The following DENND1A variants were observed in gnomAD, a reference collection of about 807,000 sequenced individuals.
The protein encoded by DENND1A is DENN domain-containing protein 1A.
Under a neutral mutation model 113.7 loss-of-function variants are expected in DENND1A, and 51 were observed. The observed-to-expected ratio is 0.45, with a 90% CI of 0.36 to 0.57. The LOEUF (loss-of-function observed/expected upper bound fraction) is 0.57, where lower values mean the gene tolerates loss of function less well. Among genes scored for constraint, DENND1A ranks in the 20% least tolerant of loss-of-function variants. The probability of loss-of-function intolerance (pLI) is 0.00; values close to 1 mark genes in which losing one functional copy is unlikely to be tolerated. For missense variants in DENND1A, 1,258 were observed against 1,395.9 expected (o/e 0.90, Z 1.57); for synonymous variants, 565 against 570.8 (o/e 0.99, Z 0.14).
intron 8 of DENND1A, among the ~76,000 whole-genome samples, chr9:123,654,580 C>A (rs556581609): frequency 1.3e-5 from 2 of 152,274 alleles, no homozygotes; most frequent in African/African-American, 2.4e-5. Flanking sequence ...TGAGGCATGT[C>A]CCCCATCTCC....
chr9:123,477,748 ATAAT>A (rs1812591952), intron 13 of DENND1A, among the ~76,000 whole-genome samples: 1 of 150,004 alleles, frequency 6.7e-6, no homozygotes, highest in Non-Finnish European at 1.5e-5. Context: ...TTAAAAAAAA[ATAAT>A]TAAAAAAAAA....
chr9:123,741,320 G>A (rs756124058), intron 5 of DENND1A, among the ~76,000 whole-genome samples: 3 of 152,054 alleles, frequency 2.0e-5, no homozygotes, highest in Non-Finnish European at 4.4e-5. Context: ...AGATATGAAC[G>A]GATATGATCG....
intron 13 of DENND1A, among the ~76,000 whole-genome samples, chr9:123,470,447 G>A (rs1027456399): frequency 2.0e-5 from 3 of 152,192 alleles, no homozygotes; most frequent in African/African-American, 7.2e-5. Context: ...CCCAAGAAAG[G>A]AAGCGCCAAG....
At chr9:123,683,358 T>C (rs1465094349) in intron 5 of DENND1A, among the ~76,000 whole-genome samples, 1 of 152,202 alleles carries the variant, frequency 6.6e-6, no homozygotes, top group Non-Finnish European at 1.5e-5. Context: ...TTCGGGAAAC[T>C]GAAGTCCTCA....
intron 9 of DENND1A, among the ~76,000 whole-genome samples, chr9:123,644,830 G>A (rs574669912): frequency 6.6e-6 from 1 of 152,296 alleles, no homozygotes; most frequent in Non-Finnish European, 1.5e-5. Flanking sequence ...TGGACTGGCT[G>A]TTCTGTAAAA....
intron 13 of DENND1A, among the ~76,000 whole-genome samples, chr9:123,513,766 G>C (rs975390086): frequency 6.6e-6 from 1 of 152,230 alleles, no homozygotes; most frequent in South Asian, 2.1e-4. Flanking sequence ...GGTCAATCCA[G>C]ATGGATTTAC....
At chr9:123,597,337 A>G (rs1193435066) in intron 11 of DENND1A, among the ~76,000 whole-genome samples, 1 of 152,220 alleles carries the variant, frequency 6.6e-6, no homozygotes. Context: ...TTTAAATTTC[A>G]GAAATGGCAC....
chr9:123,493,351 C>T (rs56227770), intron 13 of DENND1A, among the ~76,000 whole-genome samples: 2 of 152,288 alleles, frequency 1.3e-5, no homozygotes, highest in South Asian at 4.1e-4. Flanking sequence ...CGATTCTTTG[C>T]TACTTTGCTT....
intron 10 of DENND1A, among the ~76,000 whole-genome samples, chr9:123,624,804 T>G (rs965054777): frequency 1.3e-5 from 2 of 152,118 alleles, no homozygotes; most frequent in Non-Finnish European, 2.9e-5. Context: ...TTAGAGAAGG[T>G]TGAAAAAATG....
At chr9:123,403,779 T>C (rs143049412) in intron 20 of DENND1A, among the ~76,000 whole-genome samples, 3,872 of 152,242 alleles carry the variant, frequency 0.025, 75 homozygotes, top group African/African-American at 0.043. Flanking sequence ...TGCAGGGCTG[T>C]GGTGAGGGTC....
At chr9:123,704,327 G>A (rs1286238878) in intron 5 of DENND1A, among the ~76,000 whole-genome samples, 4 of 152,154 alleles carry the variant, frequency 2.6e-5, no homozygotes, top group African/African-American at 7.2e-5. Flanking sequence ...TAATACTTAG[G>A]TAGTCAAGGG....
In DENND1A at chr9:123,682,323, G is replaced by A. The variant is rs1247258742; in HGVS notation, c.303-5534C>T. On this transcript the variant is annotated intron_variant, in intron 5 of 23. Transcript: ENST00000394215. The stretch of plus-strand genomic sequence containing the variant: ...CAGTGCCTCCCGGGGGAAGACTTGC[G>A]GCAGAGCTGCTTGTGTTCATGTCGG... Among the ~76,000 whole-genome samples, 12 of 152,246 alleles carry A rather than the reference G, an allele frequency of 7.9e-5. No individual in the cohort carries two copies. In the East Asian group the frequency reaches 9.6e-4, roughly 12 times the overall value.
At chr9:123,723,513 A>G (rs796279037) in intron 5 of DENND1A, among the ~76,000 whole-genome samples, 1 of 152,184 alleles carries the variant, frequency 6.6e-6, no homozygotes, top group South Asian at 2.1e-4. Flanking sequence ...TAACTCCCAC[A>G]GTTCCCATGT....
At chr9:123,491,227 G>A (rs895135680) in intron 13 of DENND1A, among the ~76,000 whole-genome samples, 18 of 152,222 alleles carry the variant, frequency 1.2e-4, no homozygotes, top group Admixed American at 1.0e-3. Flanking sequence ...AGAAGGAACG[G>A]TGTAGGCCAA....
At chr9:123,393,539 A>T (rs548963996) in intron 21 of DENND1A, among the ~76,000 whole-genome samples, 15 of 109,382 alleles carry the variant, frequency 1.4e-4, no homozygotes, top group Admixed American at 2.6e-4. Flanking sequence ...TTAAAAAAAT[A>T]AAAAAAAAAA....
At chr9:123,838,123 A>C (rs958937074) in intron 2 of DENND1A, among the ~76,000 whole-genome samples, 1 of 152,188 alleles carries the variant, frequency 6.6e-6, no homozygotes, top group Non-Finnish European at 1.5e-5. Context: ...ATTAACCTTA[A>C]GCAGAGCTAT....
At chr9:123,442,645 G>A (rs762050972) in intron 18 of DENND1A, among the ~76,000 whole-genome samples, 3 of 152,026 alleles carry the variant, frequency 2.0e-5, no homozygotes, top group African/African-American at 7.3e-5. Context: ...GAAAATCTGG[G>A]TATTAATAGA....
At chr9:123,865,888 C>G (rs1845740761) in intron 2 of DENND1A, among the ~76,000 whole-genome samples, 1 of 152,110 alleles carries the variant, frequency 6.6e-6, no homozygotes, top group South Asian at 2.1e-4. Flanking sequence ...ATTTCTCTAA[C>G]TATATTTTGG....
chr9:123,471,371 G>T (rs1047012086), intron 13 of DENND1A, among the ~76,000 whole-genome samples: 3 of 152,152 alleles, frequency 2.0e-5, no homozygotes, highest in Non-Finnish European at 2.9e-5. Context: ...AGTGCCTAGT[G>T]GGGGGCTTGA....
Sources: allele counts gnomAD v4.1 joint callset (sites outside exome capture counted in the v4.1 genomes callset), GRCh38; gene constraint gnomAD v4.1.1; transcripts MANE v1.5; gene names NCBI Gene and HGNC (gene_info 2026-07-23, HGNC 2026-07-21).